ITSN1: variants seen among roughly 807,000 people sequenced by gnomAD.
ITSN1 encodes intersectin-1.
In ITSN1, 58 loss-of-function variants were observed where a neutral mutation model predicts 239.8. The observed-to-expected ratio is 0.24, with a 90% CI of 0.20 to 0.30. The LOEUF (loss-of-function observed/expected upper bound fraction) is 0.30. ITSN1 is among the 10% of genes least tolerant of loss of function. ITSN1 has a pLI of 1.00. For missense variants in ITSN1, 1,558 were observed against 2,103.3 expected, an observed-to-expected ratio of 0.74 and a Z score of 5.07; for synonymous variants, 780 against 770.8, an observed-to-expected ratio of 1.01 and a Z score of -0.20.
chr21:33,875,300 C>G, intron 33 of ITSN1, 54 bp from the exon 34 acceptor site: 4 of 1,598,602 alleles, frequency 2.5e-6, no homozygotes, highest in Non-Finnish European at 3.4e-6. Flanking sequence ...CCCTGGATCA[C>G]AGGCCCGCCC....
chr21:33,815,803 A>G (rs1290140505), intron 22 of ITSN1, among the ~76,000 whole-genome samples: 2 of 152,176 alleles, frequency 1.3e-5, no homozygotes, highest in East Asian at 3.8e-4. Flanking sequence ...GTTGGGCTGC[A>G]TGATATTGTT....
At position 33,883,410 on chromosome 21, in the gene ITSN1, C is replaced by T. The variant is rs117044486; in HGVS notation, c.4555-140C>T. The T allele has an allele frequency of 2.9e-4, 330 of 1,119,952 alleles. 1 individual carries two copies. The African/African-American group carries it at 3.1e-3, about 11-fold the overall frequency. The allele number at this position is 1,119,952 out of a possible 1,614,324, so 69.4% of individuals were successfully genotyped here. ...GCTCAGTCTAGGTTACTGAAACACA[C>T]GCACGAGTGTGCACACACGCGCTGA... On this transcript the variant is annotated intron_variant, in intron 35 of 39. Coordinates refer to ENST00000381318, the MANE Select transcript of ITSN1 (RefSeq NM_003024.3).
chr21:33,758,977 A>G (rs778962543), intron 8 of ITSN1, among the ~76,000 whole-genome samples: 6 of 152,182 alleles, frequency 3.9e-5, no homozygotes, highest in African/African-American at 7.2e-5. Flanking sequence ...TTGCTGATCT[A>G]TTTTTAATAT....
chr21:33,814,262 G>A, intron 22 of ITSN1, 190 bp downstream of exon 22: 1 of 455,392 alleles, frequency 2.2e-6, no homozygotes, highest in Non-Finnish European at 4.0e-6. Context: ...GGTGGGGGTG[G>A]GACACAGTCA....
intron 29 of ITSN1, among the ~76,000 whole-genome samples, chr21:33,842,299 TC>T: frequency 6.6e-6 from 1 of 152,286 alleles, no homozygotes; most frequent in African/African-American, 2.4e-5. Flanking sequence ...CTCCATAGCC[TC>T]TCAGGAAGAA....
chr21:33,650,358 T>C (rs2088402270), intron 1 of ITSN1, among the ~76,000 whole-genome samples: 1 of 152,180 alleles, frequency 6.6e-6, no homozygotes, highest in Admixed American at 6.5e-5. Context: ...TGCAACAAGA[T>C]TGGAATTGGA....
chr21:33,827,031 G>T (rs2148335718), intron 26 of ITSN1, among the ~76,000 whole-genome samples, 168 bp downstream of exon 26: 1 of 152,340 alleles, frequency 6.6e-6, no homozygotes, highest in Non-Finnish European at 1.5e-5. Context: ...ACTTGGTTAT[G>T]AGATTTGTCT....
In ITSN1 at chr21:33,823,570, A is replaced by G. The variant is rs757702456; in HGVS notation, c.3100A>G (p.Lys1034Glu). The change falls in exon 25 of 40, where the codon AAA becomes GAA. Residue 1034 changes from lysine (K) to glutamate (E), a missense_variant. Around this residue, in one of 2 missense-constraint regions of ITSN1, gnomAD observed 576 missense variants for 893.3 expected, o/e 0.64. Coordinates refer to ENST00000381318, the MANE Select transcript of ITSN1 (RefSeq NM_003024.3). ...QQGDVILVTK[K>E]DGDWWTGTVG... is the part of the protein sequence containing the mutation. ...AGGGGATGTGATTTTGGTTACCAAG[A>G]AAGATGGTGACTGGTGGACAGGAAC... 1.2e-6 allele frequency: 2 copies of G among 1,614,172 alleles called. No individual in the cohort carries two copies. Among genetic ancestry groups the G allele is most frequent in the East Asian group, 2.2e-5 (1 of 44,886 alleles).
chr21:33,734,356 C>T lies in ITSN1; in HGVS notation c.186-688C>T, dbSNP rs530519172. Among the ~76,000 whole-genome samples, 7 of 152,216 alleles carry T rather than the reference C, an allele frequency of 4.6e-5. 1 individual carries two copies. In the South Asian group the frequency reaches 1.5e-3, roughly 32 times the overall value. On this transcript the variant is annotated intron_variant, in intron 4 of 39. Coordinates refer to ENST00000381318, the MANE Select transcript of ITSN1 (RefSeq NM_003024.3). ...AAGCTCATTACAGTTTGCACTTGGA[C>T]CGTGTATATTTGAGTACCATTTTCA...
At chr21:33,827,019 T>C (rs2074009370) in intron 26 of ITSN1, among the ~76,000 whole-genome samples, 156 bp downstream of exon 26, 1 of 152,206 alleles carries the variant, frequency 6.6e-6, no homozygotes, top group Non-Finnish European at 1.5e-5. Flanking sequence ...ATTAATAATT[T>C]TACTTGGTTA....
intron 5 of ITSN1, among the ~76,000 whole-genome samples, chr21:33,748,094 A>G (rs1393617877): frequency 2.6e-5 from 4 of 152,212 alleles, no homozygotes; most frequent in Admixed American, 2.6e-4. Context: ...ATATTTGTGT[A>G]AAGTTTCTAT....
intron 1 of ITSN1, among the ~76,000 whole-genome samples, chr21:33,662,279 T>C (rs2089617808): frequency 1.3e-5 from 2 of 152,248 alleles, no homozygotes; most frequent in South Asian, 4.1e-4. Flanking sequence ...TTCCCTTTGA[T>C]TTCCAGCACT....
At chr21:33,766,093 C>A in intron 10 of ITSN1, 81 bp downstream of exon 10, 1 of 1,443,778 alleles carries the variant, frequency 6.9e-7, no homozygotes, top group Non-Finnish European at 9.7e-7. Flanking sequence ...ATGTGTCTTA[C>A]CTGATTTTCA....
intron 1 of ITSN1, among the ~76,000 whole-genome samples, chr21:33,674,689 A>T (rs1195280128): frequency 1.3e-5 from 2 of 152,222 alleles, no homozygotes; most frequent in Non-Finnish European, 2.9e-5. Flanking sequence ...GGTCCTTAAA[A>T]TTAAGATAGG....
chr21:33,730,699 C>CGTAACTACCATATTTCCATAAA (rs1486071415), intron 4 of ITSN1, among the ~76,000 whole-genome samples: 1 of 148,734 alleles, frequency 6.7e-6, no homozygotes, highest in Non-Finnish European at 1.5e-5. Context: ...CGTGCCCAGC[C>CGTAACTACCATATTTCCATAAA]TGTTTTTTTG....
intron 24 of ITSN1, among the ~76,000 whole-genome samples, chr21:33,821,420 A>G (rs1377245445): frequency 6.6e-6 from 1 of 152,258 alleles, no homozygotes; most frequent in Admixed American, 6.5e-5. Flanking sequence ...TGTAAATACC[A>G]CATTGAACAT....
Position 33,799,892 on chromosome 21 carries a change from A to T in ITSN1, c.2267A>T (p.His756Leu). ...RALYPFESRS[H>L]DEITIQPGDI... ...CTGTACCCCTTTGAATCCAGAAGCCATGATGAAATCACTATCCAGCCAGGA... is the reference window on the plus strand; with the variant it reads ...CTGTACCCCTTTGAATCCAGAAGCCTTGATGAAATCACTATCCAGCCAGGA... Residue 756 changes from histidine to leucine, a missense_variant, in exon 19 of 40, where the codon CAT becomes CTT. Coordinates refer to ENST00000381318, the MANE Select transcript of ITSN1 (RefSeq NM_003024.3). 6 of 1,614,114 alleles carry T rather than the reference A, an allele frequency of 3.7e-6. No homozygotes were observed. Among genetic ancestry groups the T allele is most frequent in the Non-Finnish European group, 5.1e-6 (6 of 1,179,992 alleles).
At position 33,774,855 on chromosome 21, in the gene ITSN1, T is replaced by G; in HGVS notation, c.1432T>G (p.Leu478Val). Residue 478 changes from leucine (L) to valine (V), a missense_variant, in exon 13 of 40, where the codon TTG (leucine) becomes GTG (valine). By Grantham distance (32) the Leu-to-Val change is conservative. Coordinates refer to ENST00000381318, the MANE Select transcript of ITSN1 (RefSeq NM_003024.3). The stretch of plus-strand genomic sequence containing the variant: ...TGTACTGAAAGCAAAGAAAAAGACT[T>G]TGGAATTTGAATTAGAAGCTCTAGT... The part of the protein sequence containing the change: ...IVVLKAKKKT[L>V]EFELEALNDK... 6.2e-7 allele frequency: 1 copy of G among 1,612,252 alleles called. No homozygotes were observed. The highest frequency in any genetic ancestry group is 8.5e-7 in the Non-Finnish European group (1 of 1,179,506).
chr21:33,680,798 A>G (rs961926359), intron 1 of ITSN1, among the ~76,000 whole-genome samples: 1 of 152,234 alleles, frequency 6.6e-6, no homozygotes, highest in Non-Finnish European at 1.5e-5. Context: ...ACCACTTAGA[A>G]CATTAAGTTG....
Sources: gnomAD v4.1 joint callset for allele counts (sites outside exome capture counted in the v4.1 genomes callset) on GRCh38, gnomAD v4.1.1 for gene constraint, gnomAD v4.1.1 regional missense constraint, MANE v1.5 for transcripts, NCBI Gene and HGNC (gene_info 2026-07-23, HGNC 2026-07-21) for gene names.